ST18: variants seen among roughly 807,000 people sequenced by gnomAD.
ST18 encodes suppression of tumorigenicity 18 protein.
ST18 carries 50 observed loss-of-function variants against 110.0 expected under a neutral mutation model. The ratio of observed to expected loss-of-function variants is 0.45; its 90% confidence interval spans 0.36 to 0.58. The LOEUF (loss-of-function observed/expected upper bound fraction) is 0.58, where lower values mean the gene tolerates loss of function less well. ST18 is among the 20% of genes least tolerant of loss of function. The pLI, the probability that ST18 is intolerant of heterozygous loss-of-function variation, is 0.00. For synonymous variants in ST18, 461 were observed against 452.4 expected (o/e 1.02, Z -0.24); for missense variants, 1,306 against 1,280.1 (o/e 1.02, Z -0.31).
chr8:52,124,965 C>A (rs971537200), intron 23 of ST18, among the ~76,000 whole-genome samples: 1 of 152,136 alleles, frequency 6.6e-6, no homozygotes, highest in African/African-American at 2.4e-5. Context: ...AGTGAAAGTC[C>A]CCAGCTCAAT....
At chr8:52,168,356 G>A (rs1010071129) in intron 10 of ST18, among the ~76,000 whole-genome samples, 16 of 151,600 alleles carry the variant, frequency 1.1e-4, no homozygotes, top group African/African-American at 3.9e-4. Flanking sequence ...GTGTGCTCCT[G>A]TGCAACGGGG....
chr8:52,406,325 A>G (rs1844476343), intron 2 of ST18: 1 of 152,180 alleles, frequency 6.6e-6, no homozygotes, highest in African/African-American at 2.4e-5. Context: ...ATGCAACAAG[A>G]CTCCAACCAT....
intron 2 of ST18, among the ~76,000 whole-genome samples, chr8:52,390,745 C>T (rs960193280): frequency 5.3e-5 from 8 of 152,150 alleles, no homozygotes; most frequent in South Asian, 2.1e-4. Flanking sequence ...CCACTGGGCC[C>T]GTGCCACAGC....
chr8:52,319,634 A>T (rs1803002327), intron 2 of ST18, among the ~76,000 whole-genome samples: 1 of 152,172 alleles, frequency 6.6e-6, no homozygotes, highest in South Asian at 2.1e-4. Flanking sequence ...CAAGTTTAGT[A>T]TTATAAAACA....
intron 2 of ST18, among the ~76,000 whole-genome samples, chr8:52,252,010 G>T (rs569105437): frequency 6.6e-6 from 1 of 152,062 alleles, no homozygotes; most frequent in South Asian, 2.1e-4. Flanking sequence ...ATAAAGTCAC[G>T]CAAGTTATAT....
At chr8:52,251,194 T>C (rs1018239252) in intron 2 of ST18, among the ~76,000 whole-genome samples, 7 of 152,108 alleles carry the variant, frequency 4.6e-5, no homozygotes, top group African/African-American at 1.7e-4. Context: ...AAAATAAGTG[T>C]TTTTTGAACC....
intron 2 of ST18, among the ~76,000 whole-genome samples, chr8:52,302,219 T>C (rs565645559): frequency 1.3e-5 from 2 of 152,146 alleles, no homozygotes; most frequent in Non-Finnish European, 2.9e-5. Context: ...GTTGGGGACA[T>C]TCAAAGCCAC....
intron 2 of ST18, among the ~76,000 whole-genome samples, chr8:52,253,898 C>A (rs1174676500): frequency 6.6e-6 from 1 of 152,062 alleles, no homozygotes; most frequent in African/African-American, 2.4e-5. Context: ...TGCACCATGA[C>A]ATTTTATTCT....
At chr8:52,391,528 C>A (rs1839329173) in intron 2 of ST18, among the ~76,000 whole-genome samples, 1 of 152,162 alleles carries the variant, frequency 6.6e-6, no homozygotes, top group African/African-American at 2.4e-5. Context: ...GATTATAATA[C>A]CACATTTTTA....
chr8:52,186,367 G>A (rs1055643365), intron 8 of ST18, among the ~76,000 whole-genome samples: 4 of 152,150 alleles, frequency 2.6e-5, no homozygotes, highest in African/African-American at 4.8e-5. Flanking sequence ...CTACACTTAG[G>A]TACTGCTCAT....
At chr8:52,372,788 C>A (rs547121983) in intron 2 of ST18, among the ~76,000 whole-genome samples, 4 of 152,146 alleles carry the variant, frequency 2.6e-5, no homozygotes, top group Non-Finnish European at 4.4e-5. Context: ...GTTTGCACAA[C>A]GACGAAGTCA....
intron 2 of ST18, among the ~76,000 whole-genome samples, chr8:52,249,977 C>A (rs1789033600): frequency 1.3e-5 from 2 of 151,964 alleles, no homozygotes; most frequent in South Asian, 2.1e-4. Flanking sequence ...CCGACCCCAG[C>A]CCTACCCCCT....
At chr8:52,309,358 T>A (rs1223446595) in intron 2 of ST18, among the ~76,000 whole-genome samples, 1 of 151,940 alleles carries the variant, frequency 6.6e-6, no homozygotes, top group Non-Finnish European at 1.5e-5. Context: ...ACGTCTCTAC[T>A]AAAAATACAA....
intron 23 of ST18, among the ~76,000 whole-genome samples, chr8:52,119,817 C>G (rs1041363566): frequency 2.6e-5 from 4 of 152,170 alleles, no homozygotes; most frequent in African/African-American, 4.8e-5. Flanking sequence ...TGGGTACTTA[C>G]TGCTTTATTA....
chr8:52,209,084 T>C (rs1242284099), intron 8 of ST18, among the ~76,000 whole-genome samples: 1 of 152,194 alleles, frequency 6.6e-6, no homozygotes, highest in Non-Finnish European at 1.5e-5. Context: ...CGTTAGAGAA[T>C]TAGGAAAATA....
intron 2 of ST18, among the ~76,000 whole-genome samples, chr8:52,384,808 T>TGC (rs1307709268): frequency 6.6e-6 from 1 of 151,826 alleles, no homozygotes; most frequent in Non-Finnish European, 1.5e-5. Flanking sequence ...TGTGTGTGTG[T>TGC]GTGTGTATCT....
intron 2 of ST18, among the ~76,000 whole-genome samples, chr8:52,244,139 A>C (rs1035522024): frequency 2.6e-5 from 4 of 152,216 alleles, no homozygotes; most frequent in African/African-American, 7.2e-5. Context: ...AAATGTTTAC[A>C]GTGGCAAAGA....
At chr8:52,389,699 A>T (rs1838569427) in intron 2 of ST18, among the ~76,000 whole-genome samples, 2 of 152,294 alleles carry the variant, frequency 1.3e-5, no homozygotes, top group South Asian at 2.1e-4. Context: ...CGGAGTAAGG[A>T]GACTGCAGAA....
At chr8:52,255,902 G>C (rs1213560974) in intron 2 of ST18, among the ~76,000 whole-genome samples, 2 of 152,200 alleles carry the variant, frequency 1.3e-5, no homozygotes, top group South Asian at 4.1e-4. Context: ...AATTGTTCAA[G>C]GTCCCTTGGC....
Sources: gnomAD v4.1 joint callset for allele counts (sites outside exome capture counted in the v4.1 genomes callset) on GRCh38, gnomAD v4.1.1 for gene constraint, MANE v1.5 for transcripts, NCBI Gene and HGNC (gene_info 2026-07-23, HGNC 2026-07-21) for gene names.